Variants in USH2A observed in about 807,000 individuals in gnomAD.
USH2A encodes usherin.
In USH2A, 443 loss-of-function variants were observed where a neutral mutation model predicts 538.9. The observed-to-expected ratio is 0.82, with a 90% CI of 0.76 to 0.89. The LOEUF is 0.89. Among genes scored for constraint, USH2A ranks in the 40% least tolerant of loss-of-function variants. The pLI, the probability that USH2A is intolerant of heterozygous loss-of-function variation, is 0.00. For missense variants in USH2A, 6,633 were observed against 6,324.8 expected (o/e 1.05, Z -1.65); for synonymous variants, 2,413 against 2,273.5 (o/e 1.06, Z -1.75).
At chr1:216,329,847 C>T (rs1040076397) in intron 4 of USH2A, among the ~76,000 whole-genome samples, 1 of 152,038 alleles carries the variant, frequency 6.6e-6, no homozygotes, top group Non-Finnish European at 1.5e-5. Context: ...CCGTGGAAAA[C>T]TGACAGTCTT....
At chr1:216,159,757 G>T (rs2034017560) in intron 21 of USH2A, among the ~76,000 whole-genome samples, 1 of 152,030 alleles carries the variant, frequency 6.6e-6, no homozygotes, top group Admixed American at 6.6e-5. Context: ...GTAATTGTTT[G>T]ATGAAATCCA....
rs35944387 is a variant in USH2A, at chr1:216,073,333, AG to A, written c.5573-34del. The A allele has an allele frequency of 0.71, 1,138,761 of 1,605,064 alleles. 406,476 individuals carry two copies. The highest frequency in any genetic ancestry group is 0.93 in the East Asian group (41,323 of 44,564). Reference sequence around the variant, plus strand: ...ATAGTAAGGGATTAGTATCGCATAAAGGGCTTGAGTCATTAATTACCAATCA... The same window carrying A: ...ATAGTAAGGGATTAGTATCGCATAAAGGCTTGAGTCATTAATTACCAATCA... On this transcript the variant is annotated intron_variant, in intron 27 of 71. Transcript: ENST00000307340.
intron 58 of USH2A, among the ~76,000 whole-genome samples, chr1:215,754,120 A>C (rs1392597300): frequency 6.6e-6 from 1 of 152,206 alleles, no homozygotes; most frequent in Non-Finnish European, 1.5e-5. Context: ...TAAGATGGGG[A>C]TAATGATATT....
At chr1:216,019,383 A>T (rs1423385068) in intron 32 of USH2A, among the ~76,000 whole-genome samples, 3 of 152,196 alleles carry the variant, frequency 2.0e-5, no homozygotes, top group Admixed American at 6.5e-5. Flanking sequence ...CCACCATTAA[A>T]GACCAGGCTA....
At chr1:216,359,891 A>C (rs988394825) in intron 4 of USH2A, among the ~76,000 whole-genome samples, 2 of 152,152 alleles carry the variant, frequency 1.3e-5, no homozygotes, top group African/African-American at 4.8e-5. Context: ...CCAACAGGCC[A>C]AAAAGCCAGA....
At chr1:216,058,337 T>G (rs2031053524) in intron 30 of USH2A, among the ~76,000 whole-genome samples, 1 of 149,274 alleles carries the variant, frequency 6.7e-6, no homozygotes. Flanking sequence ...TATAAAACTT[T>G]CATTGTCTAC....
At chr1:216,040,310 G>C (rs531994831) in intron 32 of USH2A, among the ~76,000 whole-genome samples, 2 of 151,938 alleles carry the variant, frequency 1.3e-5, no homozygotes, top group Non-Finnish European at 2.9e-5. Flanking sequence ...TTTCTATAAT[G>C]TCCCTATTAA....
intron 61 of USH2A, 65 bp downstream of exon 61, chr1:215,727,965 G>GA (rs753509512): frequency 6.4e-6 from 10 of 1,557,708 alleles, no homozygotes; most frequent in Middle Eastern, 1.7e-4. Flanking sequence ...AGTTGGACAA[G>GA]AAAATTAATT....
At chr1:215,820,328 A>T (rs1466889121) in intron 47 of USH2A, among the ~76,000 whole-genome samples, 1 of 151,422 alleles carries the variant, frequency 6.6e-6, no homozygotes, top group African/African-American at 2.4e-5. Flanking sequence ...AACATTGTGG[A>T]TTATACTTTG....
At chr1:215,927,067 C>G (rs1396221290) in intron 38 of USH2A, among the ~76,000 whole-genome samples, 1 of 152,026 alleles carries the variant, frequency 6.6e-6, no homozygotes, top group African/African-American at 2.4e-5. Flanking sequence ...ATTTTTTAAA[C>G]CTGTGATGTC....
At chr1:215,756,850 T>A (rs544575741) in intron 58 of USH2A, among the ~76,000 whole-genome samples, 1 of 151,946 alleles carries the variant, frequency 6.6e-6, no homozygotes, top group Admixed American at 6.6e-5. Context: ...GAGGCGGAGG[T>A]TGCTGTGAGC....
intron 32 of USH2A, among the ~76,000 whole-genome samples, chr1:216,009,558 G>C (rs956209957): frequency 1.3e-5 from 2 of 151,944 alleles, no homozygotes; most frequent in Non-Finnish European, 2.9e-5. Flanking sequence ...AGTGCAACTC[G>C]TCCCAAATCT....
intron 61 of USH2A, among the ~76,000 whole-genome samples, chr1:215,698,360 A>G (rs1423344599): frequency 6.6e-6 from 1 of 152,162 alleles, no homozygotes; most frequent in African/African-American, 2.4e-5. Flanking sequence ...TGCTGGGTCA[A>G]ATGGTATTTC....
In USH2A at chr1:215,817,173, A is replaced by G. The variant is rs1662882781; in HGVS notation, c.9394T>C (p.Ser3132Pro). Residue 3132 changes from serine (S) to proline (P), a missense_variant, in exon 48 of 72, where the codon TCT (serine) becomes CCT (proline). Physicochemically the swap from Ser to Pro is moderately conservative, Grantham distance 74. Transcript: ENST00000307340. ...TSRSLQIDWV[S>P]PRKPNGIILG... ...ATGATGCCATTTGGCTTCCGTGGAG[A>G]CACCCAATCAATTTGAAGAGATCTG... is the stretch of plus-strand genomic sequence containing the variant. The G allele has an allele frequency of 1.2e-6, 2 of 1,612,306 alleles. No homozygotes were observed. The highest frequency in any genetic ancestry group is 4.5e-5 in the East Asian group (2 of 44,826).
chr1:215,938,066 T>C (rs1237276473), intron 37 of USH2A, among the ~76,000 whole-genome samples: 1 of 152,156 alleles, frequency 6.6e-6, no homozygotes. Flanking sequence ...CATTAAGTTC[T>C]AGTTATAGAA....
At chr1:215,700,735 T>C (rs7529710) in intron 61 of USH2A, among the ~76,000 whole-genome samples, 1 of 152,184 alleles carries the variant, frequency 6.6e-6, no homozygotes, top group Non-Finnish European at 1.5e-5. Flanking sequence ...TCTATTTATT[T>C]TGTTAATCTT....
intron 51 of USH2A, among the ~76,000 whole-genome samples, chr1:215,788,031 A>ATG (rs1270146518): frequency 6.6e-6 from 1 of 151,820 alleles, no homozygotes; most frequent in Non-Finnish European, 1.5e-5. Flanking sequence ...CTATATATAT[A>ATG]TGTGTGTGTG....
At chr1:215,870,352 T>C (rs1464601580) in intron 43 of USH2A, among the ~76,000 whole-genome samples, 1 of 151,672 alleles carries the variant, frequency 6.6e-6, no homozygotes, top group Non-Finnish European at 1.5e-5. Flanking sequence ...TGGAGTGCAG[T>C]GGCGCGATCT....
chr1:216,085,797 C>G (rs1317071440), intron 24 of USH2A, among the ~76,000 whole-genome samples: 1 of 151,698 alleles, frequency 6.6e-6, no homozygotes. Flanking sequence ...AATGAAAACC[C>G]TCTCTAATCT....
Sources: gnomAD v4.1 joint callset for allele counts (sites outside exome capture counted in the v4.1 genomes callset) on GRCh38, gnomAD v4.1.1 for gene constraint, MANE v1.5 for transcripts, NCBI Gene and HGNC (gene_info 2026-07-23, HGNC 2026-07-21) for gene names.